The following DCC variants were observed in gnomAD, a reference collection of about 807,000 sequenced individuals.
The protein encoded by DCC is DCC netrin 1 receptor, also known as netrin receptor DCC.
A neutral mutation model predicts 172.5 loss-of-function variants in DCC; 58 were observed. The ratio of observed to expected loss-of-function variants is 0.34; its 90% CI spans 0.27 to 0.42. The LOEUF (loss-of-function observed/expected upper bound fraction) is 0.42. Ranked by LOEUF, DCC falls within the 10% of genes least tolerant of loss-of-function variation. DCC has a pLI of 1.00. For synonymous variants in DCC, 709 were observed against 644.5 expected, an observed-to-expected ratio of 1.10 and a Z score of -1.52; for missense variants, 1,740 against 1,791.0, an observed-to-expected ratio of 0.97 and a Z score of 0.51.
At chr18:53,514,996 A>G (rs1034066177) in intron 27 of DCC, among the ~76,000 whole-genome samples, 11 of 151,736 alleles carry the variant, frequency 7.2e-5, no homozygotes, top group African/African-American at 2.7e-4. Flanking sequence ...GACACAACAA[A>G]AAAAGAGAAT....
intron 23 of DCC, among the ~76,000 whole-genome samples, chr18:53,456,411 T>C (rs1392249286): frequency 6.6e-6 from 1 of 152,156 alleles, no homozygotes; most frequent in African/African-American, 2.4e-5. Context: ...CCTCCTATTC[T>C]AGGGCTATTT....
intron 5 of DCC, among the ~76,000 whole-genome samples, chr18:53,050,032 G>C (rs2042312990): frequency 6.6e-6 from 1 of 151,756 alleles, no homozygotes; most frequent in Non-Finnish European, 1.5e-5. Context: ...CAAATTACTG[G>C]TGTAAGTTCA....
intron 12 of DCC, among the ~76,000 whole-genome samples, chr18:53,266,416 T>C (rs2144695304): frequency 6.6e-6 from 1 of 152,330 alleles, no homozygotes; most frequent in Non-Finnish European, 1.5e-5. Context: ...TTGATTTTGC[T>C]TTTTTCAATG....
chr18:53,225,667 G>T (rs1403218980), intron 12 of DCC, among the ~76,000 whole-genome samples: 2 of 152,134 alleles, frequency 1.3e-5, no homozygotes, highest in Non-Finnish European at 2.9e-5. Context: ...GTGGAAAATG[G>T]TTATCTCAGA....
chr18:52,757,205 G>T (rs2145141670), intron 2 of DCC: 1 of 152,270 alleles, frequency 6.6e-6, no homozygotes, highest in Admixed American at 6.5e-5. Context: ...ACCAGAGCAG[G>T]CGTTTGAGAT....
intron 15 of DCC, among the ~76,000 whole-genome samples, chr18:53,367,643 C>T (rs904235855): frequency 1.3e-5 from 2 of 152,112 alleles, no homozygotes; most frequent in Non-Finnish European, 2.9e-5. Flanking sequence ...TCTTGTAAAG[C>T]TGAAATTCTA....
intron 3 of DCC, among the ~76,000 whole-genome samples, chr18:52,920,037 AG>A (rs1381558423): frequency 1.7e-4 from 26 of 151,322 alleles, no homozygotes; most frequent in African/African-American, 6.3e-4. Context: ...AAAAAAAAAA[AG>A]AATCCAGACA....
chr18:52,928,125 G>A (rs998281700), intron 5 of DCC, among the ~76,000 whole-genome samples: 2 of 152,092 alleles, frequency 1.3e-5, no homozygotes, highest in Non-Finnish European at 2.9e-5. Context: ...CAACATGGAT[G>A]GAGCCATTAT....
chr18:52,944,631 C>T (rs991756444), intron 5 of DCC, among the ~76,000 whole-genome samples: 1 of 152,160 alleles, frequency 6.6e-6, no homozygotes, highest in South Asian at 2.1e-4. Context: ...AGACCAGAAA[C>T]AGGATCACAT....
At chr18:53,487,530 T>C (rs1234302858) in intron 26 of DCC, among the ~76,000 whole-genome samples, 10 of 44,312 alleles carry the variant, frequency 2.3e-4, no homozygotes, top group Admixed American at 1.0e-3. Context: ...CATTTGACTC[T>C]TTTTTTTTTT....
chr18:53,156,565 T>C (rs2054738641), intron 7 of DCC, among the ~76,000 whole-genome samples: 1 of 152,200 alleles, frequency 6.6e-6, no homozygotes, highest in Non-Finnish European at 1.5e-5. Flanking sequence ...GATTTTTCTT[T>C]GTCAGAAATC....
At chr18:53,499,965 T>C (rs989972411) in intron 27 of DCC, among the ~76,000 whole-genome samples, 22 of 152,234 alleles carry the variant, frequency 1.4e-4, no homozygotes, top group African/African-American at 4.8e-4. Flanking sequence ...CAGGAGTTCT[T>C]ATTTATTTCA....
At chr18:52,461,944 C>T (rs1568180892) in intron 1 of DCC, among the ~76,000 whole-genome samples, 1 of 152,196 alleles carries the variant, frequency 6.6e-6, no homozygotes, top group African/African-American at 2.4e-5. Flanking sequence ...CCTGAAACTG[C>T]TCCTCCTGTA....
intron 2 of DCC, 119 bp downstream of exon 2, chr18:52,752,493 T>G: frequency 1.3e-6 from 1 of 792,146 alleles, no homozygotes; most frequent in Non-Finnish European, 2.1e-6. Flanking sequence ...TTTTAAATTT[T>G]AAGTTGACAA....
chr18:52,846,608 A>ACACACAC (rs2038894958), intron 2 of DCC, among the ~76,000 whole-genome samples: 7 of 130,590 alleles, frequency 5.4e-5, no homozygotes, highest in South Asian at 2.6e-4. Flanking sequence ...TGCCACTCCA[A>ACACACAC]ACACACACAC....
intron 1 of DCC, among the ~76,000 whole-genome samples, chr18:52,580,086 A>G (rs748864150): frequency 6.6e-6 from 1 of 152,220 alleles, no homozygotes; most frequent in Non-Finnish European, 1.5e-5. Context: ...TAGATAAATC[A>G]CGACCCGCAC....
rs537069578 is a variant in DCC, at chr18:52,730,700, A to G, written c.92-21354A>G. 7.2e-5 allele frequency among the ~76,000 whole-genome samples: 11 copies of G among 152,268 alleles called. No individual in the cohort carries two copies. In the South Asian group the frequency reaches 1.5e-3, roughly 20 times the overall value. On this transcript the variant is annotated intron_variant, in intron 1 of 28. Coordinates refer to ENST00000442544, the MANE Select transcript of DCC (RefSeq NM_005215.4). ...TTCAAACCTTCTTAAGCAGATGAAC[A>G]TTTATATGTGGGGAGAGACCTGGAA...
chr18:52,845,481 A>G (rs1049443585), intron 2 of DCC, among the ~76,000 whole-genome samples: 1 of 152,212 alleles, frequency 6.6e-6, no homozygotes, highest in Non-Finnish European at 1.5e-5. Flanking sequence ...AATGATCCCA[A>G]TAGCAATACA....
intron 7 of DCC, among the ~76,000 whole-genome samples, chr18:53,080,619 C>A (rs748139833): frequency 3.9e-5 from 6 of 152,058 alleles, no homozygotes; most frequent in Non-Finnish European, 8.8e-5. Flanking sequence ...TGTGTTAGAT[C>A]AGAGCAGGAG....
Sources: gnomAD v4.1 joint callset for allele counts (sites outside exome capture counted in the v4.1 genomes callset) on GRCh38, gnomAD v4.1.1 for gene constraint, MANE v1.5 for transcripts, NCBI Gene and HGNC (gene_info 2026-07-23, HGNC 2026-07-21) for gene names.